The following C13orf46 variants were observed in gnomAD, a reference collection of about 807,000 sequenced individuals.
C13orf46 encodes the protein chromosome 13 open reading frame 46.
At chr13:113,969,619 A>G (rs2052683150) in intron 2 of C13orf46, among the ~76,000 whole-genome samples, 1 of 152,214 alleles carries the variant, frequency 6.6e-6, no homozygotes, top group Non-Finnish European at 1.5e-5. Flanking sequence ...TAGATCTGAG[A>G]CAAATTTTTG....
chr13:113,945,571 AAGAAAGAG>A, the C13orf46 span, among the ~76,000 whole-genome samples: 4 of 72,298 alleles, frequency 5.5e-5, no homozygotes, highest in Non-Finnish European at 1.2e-4. Context: ...GAAAGAAAGA[AAGAAAGAG>A]AGAGAGAGAG....
chr13:113,945,571 A>AGAG, the C13orf46 span, among the ~76,000 whole-genome samples: 52 of 72,346 alleles, frequency 7.2e-4, no homozygotes, highest in African/African-American at 2.6e-3. Context: ...GAAAGAAAGA[A>AGAG]AGAAAGAGAG....
chr13:113,952,455 C>T (rs1036959349), downstream of C13orf46, among the ~76,000 whole-genome samples: 2 of 152,184 alleles, frequency 1.3e-5, no homozygotes, highest in African/African-American at 4.8e-5. Context: ...GGGGCCACCT[C>T]GGAGGTGCAG....
chr13:113,953,398 G>A (rs2138967021), downstream of C13orf46, among the ~76,000 whole-genome samples: 1 of 152,258 alleles, frequency 6.6e-6, no homozygotes, highest in East Asian at 1.9e-4. Context: ...CCTCTCCGGG[G>A]TCCCAGGAGT....
chr13:113,951,817 G>T (rs1254674502), downstream of C13orf46, among the ~76,000 whole-genome samples: 1 of 152,154 alleles, frequency 6.6e-6, no homozygotes, highest in Admixed American at 6.5e-5. Context: ...ACGACGCCCA[G>T]AGGGAACGGG....
At chr13:113,964,319 T>C (rs1169734762) in intron 6 of C13orf46, among the ~76,000 whole-genome samples, 1 of 152,230 alleles carries the variant, frequency 6.6e-6, no homozygotes, top group Non-Finnish European at 1.5e-5. Context: ...CCCCCTTCAA[T>C]GGGCCAGTGT....
the C13orf46 span, among the ~76,000 whole-genome samples, chr13:113,942,247 G>A: frequency 6.6e-6 from 1 of 152,228 alleles, no homozygotes; most frequent in Non-Finnish European, 1.5e-5. Flanking sequence ...TCAACACGCA[G>A]CCCGGGAGGA....
At position 113,953,916 on chromosome 13, in the gene C13orf46, C is replaced by T. The variant is rs905423368; in HGVS notation, c.*2857G>A. The T allele has an allele frequency of 9.2e-5, 14 of 152,382 alleles. No homozygotes were observed. The East Asian group carries it at 9.7e-4, about 11-fold the overall frequency. 9.4% of individuals were successfully genotyped at this position (152,382 alleles called of 1,614,324 possible). ...GGACAGCCCGTCCAGGGCCCATTTC[C>T]GGTTGTCTGGGAAATGATGACTCTG... On this transcript the variant is annotated 3_prime_UTR_variant, in exon 7 of 7. Coordinates refer to ENST00000636427, the MANE Select transcript of C13orf46 (RefSeq NM_001365455.2).
chr13:113,965,857 GTGA>G lies in C13orf46; in HGVS notation c.505-866_505-864del, dbSNP rs2052636020. 4.5e-4 allele frequency among the ~76,000 whole-genome samples: 57 copies of G among 125,772 alleles called. 1 individual carries two copies. Among genetic ancestry groups the G allele is most frequent in the African/African-American group, 1.4e-3 (45 of 32,890 alleles). 82.5% of individuals were successfully genotyped at this position (125,772 alleles called of 152,430 possible). On this transcript the variant is annotated intron_variant, in intron 5 of 6. Transcript: ENST00000636427. Reference sequence around the variant, plus strand: ...GGTGATGGTGATGATGGTGATGGTGGTGATGATGGTGATGGTGATGATGGTGGT... The same window carrying G: ...GGTGATGGTGATGATGGTGATGGTGGTGATGGTGATGGTGATGATGGTGGT...
downstream of C13orf46, among the ~76,000 whole-genome samples, chr13:113,953,317 C>T (rs980983548): frequency 6.6e-6 from 1 of 152,182 alleles, no homozygotes; most frequent in East Asian, 1.9e-4. Context: ...CAGGCCTGGC[C>T]GCCCTGGAGT....
intron 5 of C13orf46, 44 bp downstream of exon 5, chr13:113,967,297 C>T (rs1361643560): frequency 6.6e-6 from 1 of 152,288 alleles, no homozygotes; most frequent in Admixed American, 6.5e-5. Context: ...AGGCGCTTTC[C>T]TGGTGGCTTT....
intron 1 of C13orf46, among the ~76,000 whole-genome samples, chr13:113,971,525 G>T (rs2052705032): frequency 6.6e-6 from 1 of 152,244 alleles, no homozygotes; most frequent in African/African-American, 2.4e-5. Flanking sequence ...CTGGAACCCA[G>T]CGGATTCTCA....
chr13:113,954,099 A>G lies in C13orf46; in HGVS notation c.*2674T>C. The G allele has an allele frequency of 6.6e-6, 1 of 152,310 alleles. No homozygotes were observed. Among genetic ancestry groups the G allele is most frequent in the Middle Eastern group, 3.4e-3 (1 of 294 alleles). 9.4% of individuals were successfully genotyped at this position (152,310 alleles called of 1,614,324 possible). The stretch of plus-strand genomic sequence containing the variant: ...TCTGCGTGGCATGCGGCTCCCTGAA[A>G]AGGGCCCCTCCCTCCCTGGCTGAGT... On this transcript the variant is annotated 3_prime_UTR_variant, in exon 7 of 7. Coordinates refer to ENST00000636427, the MANE Select transcript of C13orf46 (RefSeq NM_001365455.2).
chr13:113,946,966 C>T, the C13orf46 span, among the ~76,000 whole-genome samples: 1 of 152,222 alleles, frequency 6.6e-6, no homozygotes, highest in Admixed American at 6.5e-5. Flanking sequence ...CCGAAGGCAC[C>T]CGTGGTTACT....
At chr13:113,971,724 G>A (rs545306092) in intron 1 of C13orf46, among the ~76,000 whole-genome samples, 8 of 152,344 alleles carry the variant, frequency 5.3e-5, no homozygotes, top group African/African-American at 1.7e-4. Context: ...GTGGGTGCAC[G>A]TGGCACTGGG....
intron 4 of C13orf46, 74 bp from the exon 5 acceptor site, chr13:113,967,462 G>C (rs1435386890): frequency 1.3e-5 from 2 of 152,332 alleles, no homozygotes; most frequent in African/African-American, 4.8e-5. Flanking sequence ...TCCCTGGGAG[G>C]AACAGTGGCC....
the C13orf46 span, among the ~76,000 whole-genome samples, chr13:113,946,270 G>A: frequency 6.6e-6 from 1 of 152,184 alleles, no homozygotes; most frequent in African/African-American, 2.4e-5. Flanking sequence ...CTTGATGAAA[G>A]CTCATCTTGA....
Position 113,968,592 on chromosome 13 carries a change from A to G in C13orf46, c.408+3T>C, listed in dbSNP as rs893137830. On this transcript the variant is annotated splice_donor_region_variant and intron_variant, in intron 3 of 6. Coordinates refer to ENST00000636427, the MANE Select transcript of C13orf46 (RefSeq NM_001365455.2). ...AATGCACCGCTCCTCAGCGTGGCCCAACCTTGGCCTCCTGCAAGCCTCCGT... is the reference window on the plus strand; with the variant it reads ...AATGCACCGCTCCTCAGCGTGGCCCGACCTTGGCCTCCTGCAAGCCTCCGT... 50 of 152,440 alleles carry G rather than the reference A, an allele frequency of 3.3e-4. No homozygotes were observed. The highest frequency in any genetic ancestry group is 1.1e-3 in the African/African-American group (47 of 41,582). The allele number at this position is 152,440 out of a possible 1,614,324, so 9.4% of individuals were successfully genotyped here. A position where few individuals can be genotyped will look rare whatever the true frequency, so the allele number is the denominator to read the frequency against.
At chr13:113,950,530 C>A (rs1006302333), downstream of C13orf46, among the ~76,000 whole-genome samples, 1 of 152,254 alleles carries the variant, frequency 6.6e-6, no homozygotes, top group Non-Finnish European at 1.5e-5. Context: ...GTGTTCAGGG[C>A]CAGAAGGGCT....
Sources: allele counts gnomAD v4.1 joint callset (sites outside exome capture counted in the v4.1 genomes callset), GRCh38; gene constraint gnomAD v4.1.1; transcripts MANE v1.5; gene names NCBI Gene and HGNC (gene_info 2026-07-23, HGNC 2026-07-21).